FBXO4: variants seen among roughly 807,000 people sequenced by gnomAD.
FBXO4 encodes F-box protein 4.
A neutral mutation model predicts 43.7 loss-of-function variants in FBXO4; 36 were observed. That is an observed-to-expected ratio of 0.82 (90% CI 0.63 to 1.09). The LOEUF (loss-of-function observed/expected upper bound fraction) is 1.09. Among genes scored for constraint, FBXO4 ranks in the 50% least tolerant of loss-of-function variants. The pLI is 0.00. For missense variants in FBXO4, 435 were observed against 474.1 expected (o/e 0.92, Z 0.77); for synonymous variants, 180 against 165.6 (o/e 1.09, Z -0.67).
the FBXO4 span, among the ~76,000 whole-genome samples, chr5:42,028,115 A>G: frequency 6.6e-6 from 1 of 151,802 alleles, no homozygotes; most frequent in Non-Finnish European, 1.5e-5. Flanking sequence ...TCTGTCTGGA[A>G]GAAATGCTGA....
At chr5:41,967,261 C>A in the FBXO4 span, 1 of 474,502 alleles carries the variant, frequency 2.1e-6, no homozygotes. Flanking sequence ...GGGCCAACAC[C>A]TCCAGAAACT....
chr5:41,993,433 C>T, the FBXO4 span, among the ~76,000 whole-genome samples: 3 of 151,882 alleles, frequency 2.0e-5, no homozygotes, highest in African/African-American at 7.2e-5. Context: ...CATCATCTCA[C>T]GTAGTTACAA....
chr5:42,000,533 G>A, the FBXO4 span, among the ~76,000 whole-genome samples: 1 of 151,938 alleles, frequency 6.6e-6, no homozygotes, highest in Non-Finnish European at 1.5e-5. Flanking sequence ...CATTCCATAG[G>A]TTGCCTTTCA....
At chr5:41,942,188 C>T (rs1752016503), downstream of FBXO4, among the ~76,000 whole-genome samples, 1 of 151,828 alleles carries the variant, frequency 6.6e-6, no homozygotes, top group Admixed American at 6.6e-5. Flanking sequence ...ACTGTTTTAA[C>T]CTTTTTGTTG....
chr5:41,934,438 T>TAA, intron 5 of FBXO4, 130 bp downstream of exon 5: 2 of 1,505,334 alleles, frequency 1.3e-6, no homozygotes, highest in South Asian at 2.6e-5. Context: ...TTCTGACCCT[T>TAA]ACTATTAATA....
the FBXO4 span, among the ~76,000 whole-genome samples, chr5:41,946,765 G>A: frequency 2.0e-5 from 3 of 152,034 alleles, no homozygotes; most frequent in African/African-American, 7.2e-5. Flanking sequence ...TCTATCCATA[G>A]CATTAAAATT....
rs749633426 is a variant in FBXO4 at position 41,934,320 on chromosome 5, T to G, written c.898+12T>G. On this transcript the variant is annotated intron_variant, in intron 5 of 6. Transcript: ENST00000281623. ...TGAAGCTCATAAAAGTAAGTACTCA[T>G]ATGTACATTTTTAAGCACATTGTTC... The G allele has an allele frequency of 4.3e-6, 7 of 1,613,818 alleles. No homozygotes were observed. The African/African-American group carries it at 9.3e-5, about 22-fold the overall frequency.
chr5:42,003,086 T>C, the FBXO4 span, among the ~76,000 whole-genome samples: 66 of 152,344 alleles, frequency 4.3e-4, no homozygotes, highest in African/African-American at 1.5e-3. Flanking sequence ...TATTTACCCA[T>C]TTTACCCTCA....
the FBXO4 span, among the ~76,000 whole-genome samples, chr5:41,962,877 T>C: frequency 6.6e-6 from 1 of 152,238 alleles, no homozygotes; most frequent in African/African-American, 2.4e-5. Context: ...ATCAGTTTTC[T>C]CATTTCCCAT....
chr5:42,037,800 C>T, the FBXO4 span, among the ~76,000 whole-genome samples: 58 of 152,160 alleles, frequency 3.8e-4, no homozygotes, highest in East Asian at 0.01. Context: ...TAATCAATGA[C>T]CTCAATTTTC....
intron 5 of FBXO4, chr5:41,934,791 T>C: frequency 1.0e-6 from 1 of 1,002,020 alleles, no homozygotes; most frequent in Non-Finnish European, 1.2e-6. Context: ...GTTAAGTAGA[T>C]TAGTTGAGAA....
chr5:41,998,523 T>C, the FBXO4 span, among the ~76,000 whole-genome samples: 3 of 152,210 alleles, frequency 2.0e-5, no homozygotes, highest in Non-Finnish European at 4.4e-5. Context: ...ATCCATGTTT[T>C]AGTTAACCCA....
chr5:41,969,233 C>G, the FBXO4 span, among the ~76,000 whole-genome samples: 1 of 152,124 alleles, frequency 6.6e-6, no homozygotes, highest in South Asian at 2.1e-4. Flanking sequence ...TTTTCCTTTT[C>G]TTACTCTGAA....
the FBXO4 span, among the ~76,000 whole-genome samples, chr5:41,978,836 T>G: frequency 6.6e-6 from 1 of 152,248 alleles, no homozygotes; most frequent in Non-Finnish European, 1.5e-5. Context: ...CTGAGTTTAC[T>G]TTTAATCTTC....
the FBXO4 span, among the ~76,000 whole-genome samples, chr5:42,011,229 G>A: frequency 1.3e-5 from 2 of 152,164 alleles, no homozygotes; most frequent in African/African-American, 2.4e-5. Flanking sequence ...GTTGAGAGGC[G>A]GGGCCTAGTG....
At chr5:41,989,910 C>T in the FBXO4 span, among the ~76,000 whole-genome samples, 1 of 152,064 alleles carries the variant, frequency 6.6e-6, no homozygotes, top group East Asian at 1.9e-4. Context: ...TAAATTTCAC[C>T]AAAACTAGGA....
At chr5:41,933,768 T>C (rs1369508668) in intron 3 of FBXO4, among the ~76,000 whole-genome samples, 178 bp from the exon 4 acceptor site, 4 of 152,200 alleles carry the variant, frequency 2.6e-5, no homozygotes, top group African/African-American at 9.7e-5. Flanking sequence ...TATTGTCATG[T>C]GAATGAAAGT....
the FBXO4 span, among the ~76,000 whole-genome samples, chr5:42,023,597 G>A: frequency 4.0e-5 from 6 of 151,880 alleles, no homozygotes; most frequent in Non-Finnish European, 1.5e-5. Context: ...GGATATGAAA[G>A]CAGAAATATC....
the FBXO4 span, among the ~76,000 whole-genome samples, chr5:42,024,882 C>T: frequency 6.6e-6 from 1 of 151,474 alleles, no homozygotes; most frequent in South Asian, 2.1e-4. Flanking sequence ...GACAGGATCT[C>T]ATTCTTTTTT....
Sources: gnomAD v4.1 joint callset for allele counts (sites outside exome capture counted in the v4.1 genomes callset) on GRCh38, gnomAD v4.1.1 for gene constraint, MANE v1.5 for transcripts, NCBI Gene and HGNC (gene_info 2026-07-23, HGNC 2026-07-21) for gene names.